The following PMF1 variants were observed in gnomAD, a reference collection of about 807,000 sequenced individuals.
PMF1 encodes polyamine modulated factor 1, also known as polyamine-modulated factor 1.
A neutral mutation model predicts 26.7 loss-of-function variants in PMF1; 21 were observed. The ratio of observed to expected loss-of-function variants is 0.79; its 90% CI spans 0.56 to 1.13. The LOEUF (loss-of-function observed/expected upper bound fraction) is 1.13. PMF1 is among the 50% of genes most tolerant of loss of function. The pLI is 0.00. For synonymous variants in PMF1, 105 were observed against 101.0 expected, an observed-to-expected ratio of 1.04 and a Z score of -0.24; for missense variants, 266 against 254.9, an observed-to-expected ratio of 1.04 and a Z score of -0.30.
chr1:156,229,508 G>A (rs531260774), intron 1 of PMF1, among the ~76,000 whole-genome samples: 80 of 152,028 alleles, frequency 5.3e-4, no homozygotes, highest in African/African-American at 1.8e-3. Flanking sequence ...CTCAAGAGCA[G>A]AGTAAAAGGT....
At position 156,239,770 on chromosome 1, in the gene PMF1, G is replaced by GC. The variant is rs1659242598; in HGVS notation, c.*171dup. 1 of 600,938 alleles carries GC rather than the reference G, an allele frequency of 1.7e-6. No individual in the cohort carries two copies. The highest frequency in any genetic ancestry group is 1.9e-5 in the African/African-American group (1 of 53,948). The allele number at this position is 600,938 out of a possible 1,614,324, so 37.2% of individuals were successfully genotyped here. On this transcript the variant is annotated 3_prime_UTR_variant, in exon 5 of 5. Transcript: ENST00000368277. ...CCAGAGCAAGCCTCACTGCCACTGT[G>GC]CCTTTGGGGCACCCTTGGGGTTGGA...
chr1:156,222,189 C>T (rs1157641924), intron 1 of PMF1, among the ~76,000 whole-genome samples: 1 of 152,210 alleles, frequency 6.6e-6, no homozygotes, highest in Non-Finnish European at 1.5e-5. Context: ...ACCTGAGTGC[C>T]AGTGCAGACC....
chr1:156,217,314 G>T (rs1198067585), intron 1 of PMF1, among the ~76,000 whole-genome samples: 2 of 151,662 alleles, frequency 1.3e-5, no homozygotes, highest in Non-Finnish European at 2.9e-5. Flanking sequence ...TAAGGAAGTG[G>T]CATTTGACTG....
rs191619018 is a variant in PMF1, at chr1:156,213,478, T to C, written c.161+302T>C. On this transcript the variant is annotated intron_variant, in intron 1 of 4. Coordinates refer to ENST00000368277, the MANE Select transcript of PMF1 (RefSeq NM_007221.4). ...AAATTAGAGCAGGGTTTTTTATTTT[T>C]TTATTATCTTTGAGATAGGGCCTTG... 7.9e-5 allele frequency among the ~76,000 whole-genome samples: 12 copies of C among 152,302 alleles called. No individual in the cohort carries two copies. In the South Asian group the frequency reaches 8.3e-4, roughly 11 times the overall value.
chr1:156,230,795 C>T (rs1311481849), intron 1 of PMF1, among the ~76,000 whole-genome samples: 5 of 152,084 alleles, frequency 3.3e-5, no homozygotes, highest in African/African-American at 1.2e-4. Flanking sequence ...GGCATGATGG[C>T]TCACCCCTAG....
intron 1 of PMF1, among the ~76,000 whole-genome samples, chr1:156,221,423 G>A (rs1414420381): frequency 3.3e-5 from 5 of 152,100 alleles, no homozygotes; most frequent in South Asian, 2.1e-4. Flanking sequence ...GATAGACACC[G>A]GTTATTTATT....
intron 1 of PMF1, among the ~76,000 whole-genome samples, chr1:156,218,543 A>G (rs530153061): frequency 1.3e-5 from 2 of 152,300 alleles, no homozygotes; most frequent in African/African-American, 4.8e-5. Flanking sequence ...GCACTTTGGG[A>G]GGCTGAGGCG....
rs554476782 is a variant in PMF1, at chr1:156,218,182, C to T, written c.161+5006C>T. On this transcript the variant is annotated intron_variant, in intron 1 of 4. Transcript: ENST00000368277. ...CTTCCTCTTCTGAGAACTGCCTGCT[C>T]ATTTCCTCCAGCCTTTCATTTTCAG... Among the ~76,000 whole-genome samples the T allele has an allele frequency of 3.8e-4, 58 of 152,340 alleles. 2 individuals carry two copies. In the South Asian group the frequency reaches 0.011, roughly 30 times the overall value.
chr1:156,226,595 T>C (rs957677769), intron 1 of PMF1, among the ~76,000 whole-genome samples: 2 of 152,240 alleles, frequency 1.3e-5, no homozygotes, highest in African/African-American at 4.8e-5. Flanking sequence ...GTAAGAATAA[T>C]TGTAGCTCAC....
At chr1:156,225,896 C>G (rs1216310733) in intron 1 of PMF1, among the ~76,000 whole-genome samples, 3 of 152,086 alleles carry the variant, frequency 2.0e-5, no homozygotes, top group Admixed American at 2.0e-4. Flanking sequence ...ACTCTGTTGC[C>G]CAGGCTGGAG....
intron 1 of PMF1, 32 bp downstream of exon 1, chr1:156,213,208 T>G: frequency 6.2e-7 from 1 of 1,603,286 alleles, no homozygotes; most frequent in Non-Finnish European, 8.5e-7. Context: ...TGGGAGTGTT[T>G]GTTGGCACCG....
chr1:156,222,236 G>GC (rs752551129), intron 1 of PMF1, among the ~76,000 whole-genome samples: 17 of 152,102 alleles, frequency 1.1e-4, no homozygotes, highest in Non-Finnish European at 2.4e-4. Context: ...ACCAAGTGCT[G>GC]CCCCCCTGCC....
intron 1 of PMF1, among the ~76,000 whole-genome samples, chr1:156,219,166 G>T (rs568663204): frequency 1.3e-5 from 2 of 151,896 alleles, no homozygotes; most frequent in Non-Finnish European, 2.9e-5. Flanking sequence ...TGATTCGCCC[G>T]CCTCAGCCTC....
chr1:156,215,863 A>C (rs867893670), intron 1 of PMF1, among the ~76,000 whole-genome samples: 2 of 151,896 alleles, frequency 1.3e-5, no homozygotes, highest in Non-Finnish European at 2.9e-5. Context: ...TAATTTTCGT[A>C]TTTTTAGTAG....
Position 156,236,335 on chromosome 1 carries a change from C to T in PMF1, c.416C>T (p.Pro139Leu). The T allele has an allele frequency of 6.2e-7, 1 of 1,614,224 alleles. No homozygotes were observed. Among genetic ancestry groups the T allele is most frequent in the Non-Finnish European group, 8.5e-7 (1 of 1,180,036 alleles). ...AAGGATCTGCACAGTGTTATGGCAC[C>T]CTACTTCCTGCAGCAACGGGACACC... ...PEKDLHSVMAPYFLQQRDTLR... is the reference protein window; with the variant it reads ...PEKDLHSVMALYFLQQRDTLR... Residue 139 changes from proline to leucine, a missense_variant, in exon 4 of 5, where the codon CCC becomes CTC. Physicochemically the swap from Pro to Leu is moderately conservative, Grantham distance 98. Transcript: ENST00000368277.
At chr1:156,217,424 T>A (rs1657831865) in intron 1 of PMF1, among the ~76,000 whole-genome samples, 1 of 152,186 alleles carries the variant, frequency 6.6e-6, no homozygotes, top group Middle Eastern at 3.4e-3. Flanking sequence ...CAACATTGTT[T>A]TCAAGATCTA....
intron 1 of PMF1, 55 bp downstream of exon 1, chr1:156,213,231 C>A: frequency 3.8e-6 from 6 of 1,595,108 alleles, no homozygotes; most frequent in Non-Finnish European, 4.3e-6. Flanking sequence ...GCTCAAATCC[C>A]GCGAGGTCAG....
intron 1 of PMF1, among the ~76,000 whole-genome samples, chr1:156,221,551 C>T (rs1658083148): frequency 6.6e-6 from 1 of 152,170 alleles, no homozygotes; most frequent in African/African-American, 2.4e-5. Flanking sequence ...CTGTCTTGTT[C>T]ATCATTCTCT....
At chr1:156,225,472 G>T in intron 1 of PMF1, 159 of 621,220 alleles carry the variant, frequency 2.6e-4, no homozygotes, top group Middle Eastern at 6.7e-4. Flanking sequence ...CCCCACAGTT[G>T]GCAAAGTCCA....
Sources: gnomAD v4.1 joint callset for allele counts (sites outside exome capture counted in the v4.1 genomes callset) on GRCh38, gnomAD v4.1.1 for gene constraint, MANE v1.5 for transcripts, NCBI Gene and HGNC (gene_info 2026-07-23, HGNC 2026-07-21) for gene names.